SBF2: variants seen among roughly 807,000 people sequenced by gnomAD.
SBF2 encodes the protein myotubularin-related protein 13.
SBF2 carries 112 observed loss-of-function variants against 225.2 expected under a neutral mutation model. That is an observed-to-expected ratio of 0.50 (90% CI 0.43 to 0.58). The LOEUF is 0.58. Ranked by LOEUF, SBF2 falls within the 20% of genes least tolerant of loss-of-function variation. The pLI, the probability that SBF2 is intolerant of heterozygous loss-of-function variation, is 0.00. For missense variants in SBF2, 1,996 were observed against 2,206.2 expected (o/e 0.90, Z 1.91); for synonymous variants, 763 against 773.3 (o/e 0.99, Z 0.22).
At chr11:9,943,783 G>A (rs1865416945) in intron 16 of SBF2, among the ~76,000 whole-genome samples, 1 of 152,168 alleles carries the variant, frequency 6.6e-6, no homozygotes. Context: ...ATTGCTGTCA[G>A]AGTATAAATT....
At chr11:9,826,121 T>C (rs1255724500) in intron 28 of SBF2, among the ~76,000 whole-genome samples, 1 of 152,140 alleles carries the variant, frequency 6.6e-6, no homozygotes, top group Non-Finnish European at 1.5e-5. Context: ...AACATGAAAT[T>C]TCCTAGTTGT....
At chr11:10,128,709 A>G (rs960004748) in intron 2 of SBF2, among the ~76,000 whole-genome samples, 3 of 152,254 alleles carry the variant, frequency 2.0e-5, no homozygotes, top group Admixed American at 6.5e-5. Context: ...TGAAAATGAG[A>G]AACAGTATAC....
intron 2 of SBF2, among the ~76,000 whole-genome samples, chr11:10,185,031 T>C (rs977187638): frequency 6.6e-6 from 1 of 152,180 alleles, no homozygotes; most frequent in African/African-American, 2.4e-5. Context: ...AGGTTGAACC[T>C]TGCATAACAC....
chr11:10,201,500 T>A (rs560832772), intron 1 of SBF2, among the ~76,000 whole-genome samples: 1 of 152,328 alleles, frequency 6.6e-6, no homozygotes, highest in South Asian at 2.1e-4. Context: ...TCATATTTGA[T>A]CCATTTAGCA....
chr11:9,973,171 G>C (rs1185697631), intron 13 of SBF2, among the ~76,000 whole-genome samples: 1 of 152,190 alleles, frequency 6.6e-6, no homozygotes, highest in Non-Finnish European at 1.5e-5. Flanking sequence ...ATAGCAATGA[G>C]AGGAAGTTTA....
chr11:9,886,073 G>A (rs1264423973), intron 17 of SBF2, among the ~76,000 whole-genome samples: 3 of 152,168 alleles, frequency 2.0e-5, no homozygotes, highest in African/African-American at 7.2e-5. Flanking sequence ...AATGTACTTG[G>A]AGGGGCCAAC....
chr11:10,121,583 C>T (rs780424616), intron 2 of SBF2, among the ~76,000 whole-genome samples: 13 of 152,216 alleles, frequency 8.5e-5, no homozygotes, highest in Non-Finnish European at 1.3e-4. Flanking sequence ...TTACATATGA[C>T]TAGCAGCTGA....
intron 16 of SBF2, among the ~76,000 whole-genome samples, chr11:9,920,006 A>T (rs1255292957): frequency 6.6e-6 from 1 of 152,096 alleles, no homozygotes; most frequent in Non-Finnish European, 1.5e-5. Flanking sequence ...TGCTGGGATT[A>T]CAGGTGTGAG....
intron 13 of SBF2, among the ~76,000 whole-genome samples, chr11:9,981,514 T>G (rs988866043): frequency 6.6e-5 from 10 of 152,260 alleles, no homozygotes; most frequent in African/African-American, 2.2e-4. Flanking sequence ...ACTTGATTTA[T>G]AATTTCTTTT....
chr11:9,977,048 G>A (rs970960985), intron 13 of SBF2, among the ~76,000 whole-genome samples: 5 of 152,020 alleles, frequency 3.3e-5, no homozygotes, highest in East Asian at 1.9e-4. Flanking sequence ...GTGAGCCACC[G>A]CACCCCACCC....
At chr11:9,826,924 G>T (rs193109270) in intron 28 of SBF2, among the ~76,000 whole-genome samples, 1 of 151,978 alleles carries the variant, frequency 6.6e-6, no homozygotes, top group East Asian at 1.9e-4. Flanking sequence ...TGCAACCTCT[G>T]CCTCCCGGGT....
intron 1 of SBF2, among the ~76,000 whole-genome samples, chr11:10,214,415 A>C (rs998491277): frequency 2.6e-5 from 4 of 152,190 alleles, no homozygotes; most frequent in African/African-American, 9.7e-5. Flanking sequence ...CAAGGTCAGG[A>C]GATCCAGACC....
At chr11:9,932,942 C>G (rs1232537658) in intron 16 of SBF2, among the ~76,000 whole-genome samples, 2 of 94,008 alleles carry the variant, frequency 2.1e-5, no homozygotes, top group Non-Finnish European at 3.8e-5. Context: ...GGAGATCTAC[C>G]AAGCAAACGA....
rs117957652 is a variant in SBF2 at position 9,839,661 on chromosome 11, G to A, written c.3292C>T (p.Leu1098=). Residue 1098 remains leucine (L), a synonymous_variant, in exon 26 of 40, where the codon CTG becomes TTG. Transcript: ENST00000256190. The part of the protein sequence containing the change: ...DESELPTSTT[L]KASEKSTMEQ... ...ATTGTAGACTTCTCGGAGGCCTTCA[G>A]GGTGGTACTTGTGGGGAGCTCACTC... 31 of 1,613,992 alleles carry A rather than the reference G, an allele frequency of 1.9e-5. No homozygotes were observed. Among genetic ancestry groups the A allele is most frequent in the Non-Finnish European group, 2.0e-5 (24 of 1,179,994 alleles).
intron 14 of SBF2, among the ~76,000 whole-genome samples, chr11:9,965,587 C>T (rs1240894626): frequency 6.6e-6 from 1 of 152,160 alleles, no homozygotes; most frequent in Non-Finnish European, 1.5e-5. Context: ...CGCGCCCAGC[C>T]TTAAACTTTT....
chr11:9,866,943 C>T (rs938031817), intron 17 of SBF2, among the ~76,000 whole-genome samples: 4 of 152,048 alleles, frequency 2.6e-5, no homozygotes, highest in Non-Finnish European at 4.4e-5. Flanking sequence ...TAAAAGAAGA[C>T]ATAAAAATGG....
intron 5 of SBF2, among the ~76,000 whole-genome samples, chr11:10,029,184 T>C (rs1949161064): frequency 6.6e-6 from 1 of 152,112 alleles, no homozygotes; most frequent in African/African-American, 2.4e-5. Flanking sequence ...AAGGAAAAAA[T>C]CTATCCTTTT....
intron 2 of SBF2, among the ~76,000 whole-genome samples, chr11:10,154,522 C>T (rs1469167200): frequency 6.6e-6 from 1 of 152,082 alleles, no homozygotes; most frequent in East Asian, 1.9e-4. Flanking sequence ...TTCTAGTTCT[C>T]TGCCACATAC....
intron 2 of SBF2, among the ~76,000 whole-genome samples, chr11:10,087,303 GA>G: frequency 6.6e-6 from 1 of 152,204 alleles, no homozygotes; most frequent in Admixed American, 6.5e-5. Flanking sequence ...ATACAATTTA[GA>G]CTGAGCCGTT....
Sources: gnomAD v4.1 joint callset for allele counts (sites outside exome capture counted in the v4.1 genomes callset) on GRCh38, gnomAD v4.1.1 for gene constraint, MANE v1.5 for transcripts, NCBI Gene and HGNC (gene_info 2026-07-23, HGNC 2026-07-21) for gene names.